The following SSH1 variants were observed in gnomAD, a reference collection of about 807,000 sequenced individuals.
SSH1 encodes slingshot protein phosphatase 1.
A neutral mutation model predicts 79.7 loss-of-function variants in SSH1; 43 were observed. That is an observed-to-expected ratio of 0.54 (90% CI 0.42 to 0.70). SSH1 has a LOEUF of 0.70. Among genes scored for constraint, SSH1 ranks in the 30% least tolerant of loss-of-function variants. SSH1 has a pLI of 0.00. For missense variants in SSH1, 1,206 were observed against 1,358.8 expected, an observed-to-expected ratio of 0.89 and a Z score of 1.77; for synonymous variants, 599 against 538.3, an observed-to-expected ratio of 1.11 and a Z score of -1.56.
chr12:108,805,295 G>A, intron 9 of SSH1, 111 bp from the exon 10 acceptor site: 6 of 1,240,254 alleles, frequency 4.8e-6, no homozygotes, highest in Non-Finnish European at 6.9e-6. Context: ...AAAGGTGGGT[G>A]TTTTTTCTCT....
rs1220637799 is a variant in SSH1 at position 108,792,528 on chromosome 12, G to A, written c.1651C>T (p.His551Tyr). Residue 551 changes from histidine to tyrosine, a missense_variant, in exon 14 of 15, where the codon CAC becomes TAC. Around this residue, in one of 5 missense-constraint regions of SSH1, gnomAD observed 709 missense variants for 730.6 expected, o/e 0.97. Coordinates refer to ENST00000326495, the MANE Select transcript of SSH1 (RefSeq NM_018984.4). Reference protein sequence around the residue: ...LEEAAPPAEVHRPARQPQQGS... With the variant: ...LEEAAPPAEVYRPARQPQQGS... ...TGCTGGGGCTGTCTGGCCGGCCTGT[G>A]CACCTCTGCAGGTGGAGCAGCTTCC... 1 of 1,614,182 alleles carries A rather than the reference G, an allele frequency of 6.2e-7. No individual in the cohort carries two copies. Among genetic ancestry groups the A allele is most frequent in the Non-Finnish European group, 8.5e-7 (1 of 1,180,028 alleles).
chr12:108,795,253 C>CT (rs1410281490), intron 13 of SSH1, among the ~76,000 whole-genome samples: 2 of 151,782 alleles, frequency 1.3e-5, no homozygotes, highest in Non-Finnish European at 2.9e-5. Flanking sequence ...GGTGGGTATT[C>CT]TTTAAAAACT....
At chr12:108,808,826 T>C (rs1239639098) in intron 7 of SSH1, among the ~76,000 whole-genome samples, 1 of 138,294 alleles carries the variant, frequency 7.2e-6, no homozygotes, top group Non-Finnish European at 1.6e-5. Flanking sequence ...TACTTCTTTT[T>C]TTTTTTTTTT....
At chr12:108,821,790 G>A (rs1301761187) in intron 3 of SSH1, among the ~76,000 whole-genome samples, 1 of 152,192 alleles carries the variant, frequency 6.6e-6, no homozygotes, top group Non-Finnish European at 1.5e-5. Flanking sequence ...TACTGACTGA[G>A]CCTTGGTGTT....
chr12:108,821,398 A>G (rs375170809), intron 3 of SSH1, among the ~76,000 whole-genome samples: 1 of 152,118 alleles, frequency 6.6e-6, no homozygotes, highest in African/African-American at 2.4e-5. Context: ...GTCTCTAAAA[A>G]AACTTTTCAT....
chr12:108,834,030 T>C (rs1375122557), intron 2 of SSH1: 1 of 152,250 alleles, frequency 6.6e-6, no homozygotes, highest in Non-Finnish European at 1.5e-5. Context: ...CTTCTTGTGC[T>C]AACTCTCTAT....
Position 108,788,054 on chromosome 12 carries a change from G to A in SSH1, c.3084C>T (p.Thr1028=), listed in dbSNP as rs144505402. 2.1e-5 allele frequency: 34 copies of A among 1,614,072 alleles called. No homozygotes were observed. The highest frequency in any genetic ancestry group is 2.8e-5 in the Non-Finnish European group (33 of 1,180,050). ...PQGTPRDPAA[T]SKPSGKPAPE... ...GGGCGGGTTTCCCTGATGGTTTGGA[G>A]GTTGCAGCTGGGTCCCTCGGGGTTC... The change falls in exon 15 of 15, where the codon ACC becomes ACT. Residue 1028 remains threonine, a synonymous_variant. Transcript: ENST00000326495.
At chr12:108,851,629 GCAAAGAAAAAA>G (rs2039041399) in intron 2 of SSH1, among the ~76,000 whole-genome samples, 1 of 152,026 alleles carries the variant, frequency 6.6e-6, no homozygotes, top group African/African-American at 2.4e-5. Context: ...TTAATTTTTG[GCAAAGAAAAAA>G]CAAAAATGTT....
rs780505346 is a variant in SSH1 at position 108,799,098 on chromosome 12, T to C, written c.1251A>G (p.Glu417=). The C allele has an allele frequency of 9.3e-6, 15 of 1,614,236 alleles. No homozygotes were observed. The East Asian group carries it at 3.3e-4, about 36-fold the overall frequency. ...YAMKEFGWPL[E]KAYNYVKQKR... Reference sequence around the variant, plus strand: ...TCTGCTTTACATAGTTATATGCTTTTTCCAGAGGCCAGCCGAATTCCTTCA... The same window carrying C: ...TCTGCTTTACATAGTTATATGCTTTCTCCAGAGGCCAGCCGAATTCCTTCA... Residue 417 remains glutamate, a synonymous_variant, in exon 13 of 15, where the codon GAA becomes GAG. Coordinates refer to ENST00000326495, the MANE Select transcript of SSH1 (RefSeq NM_018984.4).
In SSH1 at chr12:108,845,661, T is replaced by C. The variant is rs901918733; in HGVS notation, c.110+6977A>G. Among the ~76,000 whole-genome samples, 8 of 152,348 alleles carry C rather than the reference T, an allele frequency of 5.3e-5. No individual in the cohort carries two copies. The East Asian group carries it at 7.7e-4, about 15-fold the overall frequency. On this transcript the variant is annotated intron_variant, in intron 2 of 14. Transcript: ENST00000326495. The stretch of plus-strand genomic sequence containing the variant: ...GAGATTGCGCCATTGCACTCTAGCC[T>C]GAGCAACGTGAGCGAAACTCCATTT...
intron 6 of SSH1, 50 bp downstream of exon 6, chr12:108,811,210 T>C: frequency 6.4e-7 from 1 of 1,568,372 alleles, no homozygotes; most frequent in Non-Finnish European, 8.8e-7. Flanking sequence ...GCTCGTGTTT[T>C]CAATGCCTAC....
At chr12:108,819,146 G>T (rs904190359) in intron 3 of SSH1, among the ~76,000 whole-genome samples, 1 of 152,210 alleles carries the variant, frequency 6.6e-6, no homozygotes, top group African/African-American at 2.4e-5. Context: ...TCTACAGATA[G>T]CAGCTGTATG....
rs151297785 is a variant in SSH1, at chr12:108,826,048, G to C, written c.111-2687C>G. 1.4e-3 allele frequency: 606 copies of C among 429,208 alleles called. 3 individuals are homozygous for C. The highest frequency in any genetic ancestry group is 0.012 in the African/African-American group (560 of 47,852). 26.6% of individuals were successfully genotyped at this position (429,208 alleles called of 1,614,324 possible). On this transcript the variant is annotated intron_variant, in intron 2 of 14. Coordinates refer to ENST00000326495, the MANE Select transcript of SSH1 (RefSeq NM_018984.4). Reference sequence around the variant, plus strand: ...TCGAAGCAGCTGGGAAAATCTTTTCGAGACAACATCAACTGCTTTTGTTCA... The same window carrying C: ...TCGAAGCAGCTGGGAAAATCTTTTCCAGACAACATCAACTGCTTTTGTTCA...
chr12:108,787,609 G>C lies in SSH1; in HGVS notation c.*379C>G. 3.8e-6 allele frequency: 1 copy of C among 266,590 alleles called. No individual in the cohort carries two copies. The highest frequency in any genetic ancestry group is 4.7e-5 in the South Asian group (1 of 21,470). 16.5% of individuals were successfully genotyped at this position (266,590 alleles called of 1,614,324 possible). ...TTTCTGCGAGGCCAAGAATGAGCTA[G>C]AACGTGTGCCGCGGTGAGGCTGCCA... On this transcript the variant is annotated 3_prime_UTR_variant, in exon 15 of 15. Coordinates refer to ENST00000326495, the MANE Select transcript of SSH1 (RefSeq NM_018984.4).
chr12:108,795,629 A>T (rs2036717087), intron 13 of SSH1, among the ~76,000 whole-genome samples: 2 of 151,930 alleles, frequency 1.3e-5, no homozygotes, highest in African/African-American at 4.8e-5. Context: ...GCTGAGGTGG[A>T]AGGATCGATT....
intron 14 of SSH1, among the ~76,000 whole-genome samples, chr12:108,790,159 T>TA: frequency 6.6e-6 from 1 of 151,598 alleles, no homozygotes; most frequent in South Asian, 2.1e-4. Flanking sequence ...TCCAGTTTTT[T>TA]TTTTTTTTTA....
chr12:108,804,935 G>A (rs2037202640), intron 10 of SSH1, 121 bp downstream of exon 10: 2 of 1,226,782 alleles, frequency 1.6e-6, no homozygotes, highest in Non-Finnish European at 1.2e-6. Flanking sequence ...AGCCAGGATG[G>A]AGGCTCTGGC....
rs1036502210 is a variant in SSH1 at position 108,792,363 on chromosome 12, T to C, written c.1816A>G (p.Thr606Ala). 25 of 1,614,010 alleles carry C rather than the reference T, an allele frequency of 1.5e-5. No homozygotes were observed. Among genetic ancestry groups the C allele is most frequent in the Non-Finnish European group, 2.0e-5 (24 of 1,180,040 alleles). The change falls in exon 14 of 15, where the codon ACC becomes GCC. Residue 606 changes from threonine (T) to alanine (A), a missense_variant. Around this residue, in one of 5 missense-constraint regions of SSH1, gnomAD observed 709 missense variants for 730.6 expected, o/e 0.97. Coordinates refer to ENST00000326495, the MANE Select transcript of SSH1 (RefSeq NM_018984.4). The part of the protein sequence containing the change: ...LGAGRWGQLP[T>A]QLDQNLLNSE... Reference sequence around the variant, plus strand: ...TTGAGCAGGTTTTGATCGAGCTGGGTTGGAAGCTGCCCCCACCTCCCTGCT... The same window carrying C: ...TTGAGCAGGTTTTGATCGAGCTGGGCTGGAAGCTGCCCCCACCTCCCTGCT...
intron 2 of SSH1, among the ~76,000 whole-genome samples, chr12:108,841,842 G>GTATATA (rs34543723): frequency 1.4e-5 from 2 of 147,278 alleles, no homozygotes; most frequent in African/African-American, 2.5e-5. Context: ...GTGTGTGTGT[G>GTATATA]TATATATATA....
Sources: allele counts gnomAD v4.1 joint callset (sites outside exome capture counted in the v4.1 genomes callset), GRCh38; gene constraint gnomAD v4.1.1; regional missense constraint gnomAD v4.1.1; transcripts MANE v1.5; gene names NCBI Gene and HGNC (gene_info 2026-07-23, HGNC 2026-07-21).